The following FARS2 variants were observed in gnomAD, a reference collection of about 807,000 sequenced individuals.
FARS2 encodes phenylalanyl-tRNA synthetase 2, mitochondrial, also known as phenylalanine--tRNA ligase, mitochondrial.
A neutral mutation model predicts 46.4 loss-of-function variants in FARS2; 40 were observed. That is an observed-to-expected ratio of 0.86 (90% CI 0.67 to 1.12). The LOEUF (loss-of-function observed/expected upper bound fraction) is 1.12, where lower values mean the gene tolerates loss of function less well. Ranked by LOEUF, FARS2 falls within the 50% of genes most tolerant of loss-of-function variation. The pLI is 0.00. For missense variants in FARS2, 513 were observed against 567.9 expected (o/e 0.90, Z 0.98); for synonymous variants, 234 against 214.9 (o/e 1.09, Z -0.78).
chr6:5,667,245 C>T (rs879540044), intron 6 of FARS2, among the ~76,000 whole-genome samples: 24 of 152,126 alleles, frequency 1.6e-4, no homozygotes, highest in Admixed American at 2.6e-4. Context: ...TTTGGCTGGG[C>T]ACAGTGGCTC....
At chr6:5,613,100 T>C in intron 5 of FARS2, 69 bp from the exon 6 acceptor site, 1 of 1,415,032 alleles carries the variant, frequency 7.1e-7, no homozygotes, top group South Asian at 1.3e-5. Flanking sequence ...GTGCAACTTT[T>C]TATGAAAAAT....
intron 1 of FARS2, among the ~76,000 whole-genome samples, chr6:5,363,250 G>C (rs1758434707): frequency 1.3e-5 from 2 of 151,974 alleles, no homozygotes; most frequent in Non-Finnish European, 2.9e-5. Context: ...TAAGTTATTT[G>C]CTTTCTTGCT....
chr6:5,602,400 G>T (rs1774572730), intron 5 of FARS2, among the ~76,000 whole-genome samples: 1 of 152,120 alleles, frequency 6.6e-6, no homozygotes. Flanking sequence ...TGTAATCCCA[G>T]CACTTTGGGA....
At chr6:5,335,267 T>A (rs1214447557) in intron 1 of FARS2, among the ~76,000 whole-genome samples, 1 of 152,194 alleles carries the variant, frequency 6.6e-6, no homozygotes, top group African/African-American at 2.4e-5. Flanking sequence ...TCTGATTCTT[T>A]GTGATCTGTT....
intron 2 of FARS2, among the ~76,000 whole-genome samples, chr6:5,369,584 C>G (rs1022743328): frequency 2.6e-5 from 4 of 152,116 alleles, no homozygotes; most frequent in Non-Finnish European, 5.9e-5. Flanking sequence ...ATTATATTTT[C>G]TTGCTGTTAG....
chr6:5,770,943 G>C (rs1002073648), intron 6 of FARS2, among the ~76,000 whole-genome samples: 1 of 152,052 alleles, frequency 6.6e-6, no homozygotes, highest in Non-Finnish European at 1.5e-5. Flanking sequence ...TTAGAATCAC[G>C]TCGGGAACCG....
At chr6:5,288,869 T>G (rs919820885) in intron 1 of FARS2, among the ~76,000 whole-genome samples, 1 of 152,234 alleles carries the variant, frequency 6.6e-6, no homozygotes, top group Non-Finnish European at 1.5e-5. Flanking sequence ...AGTTTTTGAG[T>G]CTGGTTTCTC....
At chr6:5,331,537 C>A (rs1770798988) in intron 1 of FARS2, among the ~76,000 whole-genome samples, 1 of 152,080 alleles carries the variant, frequency 6.6e-6, no homozygotes, top group Non-Finnish European at 1.5e-5. Flanking sequence ...TCTCTAGTTC[C>A]CCTGGTGCTA....
chr6:5,403,448 G>C (rs976364131), intron 2 of FARS2, among the ~76,000 whole-genome samples: 2 of 152,170 alleles, frequency 1.3e-5, no homozygotes, highest in African/African-American at 4.8e-5. Context: ...CAGGTTTTCA[G>C]TTGATAGGTT....
At chr6:5,432,324 AAAAATAT>A (rs1482847370) in intron 4 of FARS2, among the ~76,000 whole-genome samples, 4 of 36,906 alleles carry the variant, frequency 1.1e-4, no homozygotes, top group African/African-American at 1.4e-4. Context: ...TAAAAAAAAA[AAAAATAT>A]ATATATATAT....
intron 4 of FARS2, among the ~76,000 whole-genome samples, chr6:5,462,253 CTTA>C (rs563426319): frequency 4.6e-5 from 7 of 152,018 alleles, no homozygotes; most frequent in Non-Finnish European, 7.4e-5. Context: ...GATTATTTGT[CTTA>C]TTATTCAGTT....
intron 5 of FARS2, among the ~76,000 whole-genome samples, chr6:5,599,786 T>A (rs554963258): frequency 6.6e-6 from 1 of 152,340 alleles, no homozygotes; most frequent in East Asian, 1.9e-4. Context: ...CAGTGAAATA[T>A]TATGAACTCT....
chr6:5,723,975 G>A (rs79622098), intron 6 of FARS2, among the ~76,000 whole-genome samples: 45 of 151,970 alleles, frequency 3.0e-4, no homozygotes, highest in East Asian at 1.6e-3. Context: ...CGGTGGCCAC[G>A]CTGGGCTGTC....
chr6:5,569,030 T>C (rs970109216), intron 5 of FARS2, among the ~76,000 whole-genome samples: 1 of 151,894 alleles, frequency 6.6e-6, no homozygotes, highest in Non-Finnish European at 1.5e-5. Flanking sequence ...GCAGGGGCAC[T>C]GTTAATAACT....
chr6:5,410,149 GTTTTTTTGT>G (rs1452998630), intron 3 of FARS2, among the ~76,000 whole-genome samples: 21 of 120,542 alleles, frequency 1.7e-4, no homozygotes, highest in African/African-American at 2.5e-4. Flanking sequence ...TCGTTTTTGT[GTTTTTTTGT>G]TTTTTTTTTT....
chr6:5,663,923 A>G (rs937856120), intron 6 of FARS2, among the ~76,000 whole-genome samples: 1 of 152,140 alleles, frequency 6.6e-6, no homozygotes, highest in Non-Finnish European at 1.5e-5. Context: ...GGCAGAAAGG[A>G]TGGATGCACG....
At chr6:5,584,789 G>A (rs1773527346) in intron 5 of FARS2, among the ~76,000 whole-genome samples, 1 of 152,114 alleles carries the variant, frequency 6.6e-6, no homozygotes, top group East Asian at 1.9e-4. Flanking sequence ...TCTGCATGGA[G>A]AGCAGCCATG....
At chr6:5,281,467 A>G (rs1459848748) in intron 1 of FARS2, among the ~76,000 whole-genome samples, 1 of 152,214 alleles carries the variant, frequency 6.6e-6, no homozygotes, top group East Asian at 1.9e-4. Flanking sequence ...TAAAATATAT[A>G]TAACATGAAA....
At chr6:5,332,638 T>C (rs1219632457) in intron 1 of FARS2, among the ~76,000 whole-genome samples, 1 of 152,230 alleles carries the variant, frequency 6.6e-6, no homozygotes, top group African/African-American at 2.4e-5. Flanking sequence ...ACCTTACTGT[T>C]AATACACCTG....
Sources: allele counts gnomAD v4.1 joint callset (sites outside exome capture counted in the v4.1 genomes callset), GRCh38; gene constraint gnomAD v4.1.1; transcripts MANE v1.5; gene names NCBI Gene and HGNC (gene_info 2026-07-23, HGNC 2026-07-21).